Variants in IFT88 observed in about 807,000 individuals in gnomAD.
The protein encoded by IFT88 is intraflagellar transport protein 88 homolog.
Under a neutral mutation model 119.5 loss-of-function variants are expected in IFT88, and 74 were observed. The observed-to-expected ratio is 0.62, with a 90% CI of 0.51 to 0.75. The LOEUF is 0.75. Ranked by LOEUF, IFT88 falls within the 30% of genes least tolerant of loss-of-function variation. IFT88 has a pLI of 0.00. For synonymous variants in IFT88, 279 were observed against 316.7 expected, an observed-to-expected ratio of 0.88 and a Z score of 1.26; for missense variants, 961 against 977.7, an observed-to-expected ratio of 0.98 and a Z score of 0.23.
chr13:20,578,624 A>G (rs2037940640), intron 2 of IFT88, among the ~76,000 whole-genome samples: 1 of 151,758 alleles, frequency 6.6e-6, no homozygotes, highest in Non-Finnish European at 1.5e-5. Flanking sequence ...ATCTCAGCTC[A>G]CTGCAACCTC....
intron 14 of IFT88, among the ~76,000 whole-genome samples, chr13:20,622,183 T>G (rs1477827453): frequency 2.6e-5 from 4 of 152,216 alleles, no homozygotes; most frequent in African/African-American, 9.6e-5. Context: ...AGCATCATAT[T>G]ATGTCTGTGC....
At chr13:20,639,239 A>G (rs1256993093) in intron 17 of IFT88, among the ~76,000 whole-genome samples, 4 of 152,040 alleles carry the variant, frequency 2.6e-5, no homozygotes, top group Non-Finnish European at 5.9e-5. Context: ...TTTCCATGTT[A>G]TGGACTTTAC....
At chr13:20,608,131 T>A in intron 13 of IFT88, 1 of 450,954 alleles carries the variant, frequency 2.2e-6, no homozygotes, top group African/African-American at 2.0e-5. Flanking sequence ...CCCAAACTCT[T>A]AGTTTGAACC....
At chr13:20,597,635 T>A (rs1158509551) in intron 9 of IFT88, among the ~76,000 whole-genome samples, 4 of 151,740 alleles carry the variant, frequency 2.6e-5, no homozygotes, top group Admixed American at 1.3e-4. Flanking sequence ...TCCCAGCTAC[T>A]TGGGAGGCTG....
chr13:20,647,032 A>T (rs1157999693), intron 20 of IFT88, among the ~76,000 whole-genome samples: 2 of 152,178 alleles, frequency 1.3e-5, no homozygotes, highest in Non-Finnish European at 2.9e-5. Flanking sequence ...AGCACTGCTC[A>T]TCAGTCTTAA....
chr13:20,615,338 C>G (rs577401071), intron 13 of IFT88, among the ~76,000 whole-genome samples: 33 of 152,232 alleles, frequency 2.2e-4, no homozygotes, highest in Non-Finnish European at 4.0e-4. Context: ...TATGTACGTA[C>G]GTGTACATAT....
chr13:20,612,731 T>G (rs1436013289), intron 13 of IFT88, among the ~76,000 whole-genome samples: 1 of 152,066 alleles, frequency 6.6e-6, no homozygotes, highest in African/African-American at 2.4e-5. Flanking sequence ...AAAGCAACAT[T>G]GATGAAGACA....
At chr13:20,604,089 T>C (rs957437006) in intron 12 of IFT88, among the ~76,000 whole-genome samples, 3 of 151,772 alleles carry the variant, frequency 2.0e-5, no homozygotes, top group African/African-American at 7.3e-5. Context: ...AAAAAAAATA[T>C]ATATTAGCCA....
At chr13:20,605,192 C>A in intron 13 of IFT88, 87 bp downstream of exon 13, 1 of 514,254 alleles carries the variant, frequency 1.9e-6, no homozygotes, top group Non-Finnish European at 3.4e-6. Flanking sequence ...ATATTTGAAA[C>A]TTAAAATAAT....
intron 14 of IFT88, among the ~76,000 whole-genome samples, chr13:20,623,274 A>G (rs537012511): frequency 6.6e-6 from 1 of 152,238 alleles, no homozygotes; most frequent in South Asian, 2.1e-4. Context: ...TTTCTTTTTC[A>G]AGATTGTTTT....
chr13:20,606,936 G>A (rs1218980022), intron 13 of IFT88, among the ~76,000 whole-genome samples: 1 of 152,060 alleles, frequency 6.6e-6, no homozygotes, highest in African/African-American at 2.4e-5. Context: ...TAAATCTTAA[G>A]GACATTGAAT....
chr13:20,651,677 T>C (rs1251063230), intron 20 of IFT88, among the ~76,000 whole-genome samples: 1 of 151,862 alleles, frequency 6.6e-6, no homozygotes, highest in Non-Finnish European at 1.5e-5. Context: ...AATTCTATTA[T>C]AGTATATTGC....
At chr13:20,587,446 C>T (rs1208348810) in intron 3 of IFT88, among the ~76,000 whole-genome samples, 15 of 151,968 alleles carry the variant, frequency 9.9e-5, no homozygotes, top group African/African-American at 2.4e-4. Flanking sequence ...TTAGTAAAGA[C>T]GGAGTTTCAC....
At chr13:20,676,325 T>C (rs1282603281) in intron 24 of IFT88, among the ~76,000 whole-genome samples, 2 of 151,742 alleles carry the variant, frequency 1.3e-5, no homozygotes, top group South Asian at 2.1e-4. Context: ...CTGAAAACAG[T>C]ACCTTCCTGA....
chr13:20,641,090 T>C (rs942979984), intron 17 of IFT88, among the ~76,000 whole-genome samples, 200 bp from the exon 18 acceptor site: 4 of 152,182 alleles, frequency 2.6e-5, no homozygotes, highest in Non-Finnish European at 5.9e-5. Flanking sequence ...GAGGCTGCTG[T>C]GAGCCATGTT....
chr13:20,634,050 G>T (rs6490600), intron 16 of IFT88, among the ~76,000 whole-genome samples: 36,695 of 151,974 alleles, frequency 0.24, 5,719 homozygotes, highest in East Asian at 0.7. Flanking sequence ...CTGTCACTTA[G>T]CTGAACTGTT....
intron 22 of IFT88, chr13:20,663,210 C>A: frequency 1.5e-6 from 2 of 1,343,150 alleles, no homozygotes; most frequent in Non-Finnish European, 1.9e-6. Flanking sequence ...ACAAATGTTA[C>A]ATTTGCCTTC....
intron 24 of IFT88, among the ~76,000 whole-genome samples, chr13:20,687,985 C>T (rs2058118077): frequency 6.6e-6 from 1 of 152,178 alleles, no homozygotes; most frequent in Non-Finnish European, 1.5e-5. Flanking sequence ...ATCAAAGAAT[C>T]CCTGTCACAA....
chr13:20,577,820 T>G (rs1393000215), intron 2 of IFT88, among the ~76,000 whole-genome samples: 1 of 152,156 alleles, frequency 6.6e-6, no homozygotes, highest in African/African-American at 2.4e-5. Context: ...ATTTTCTTTC[T>G]TTGATGCATC....
Sources: gnomAD v4.1 joint callset for allele counts (sites outside exome capture counted in the v4.1 genomes callset) on GRCh38, gnomAD v4.1.1 for gene constraint, MANE v1.5 for transcripts, NCBI Gene and HGNC (gene_info 2026-07-23, HGNC 2026-07-21) for gene names.